GART: variants seen among roughly 807,000 people sequenced by gnomAD.
GART encodes the protein phosphoribosylglycinamide formyltransferase, phosphoribosylglycinamide synthetase, phosphoribosylaminoimidazole synthetase.
Under a neutral mutation model 107.2 loss-of-function variants are expected in GART, and 43 were observed. That is an observed-to-expected ratio of 0.40 (90% confidence interval 0.31 to 0.52). The LOEUF is 0.52. Among genes scored for constraint, GART ranks in the 20% least tolerant of loss-of-function variants. The pLI, the probability that GART is intolerant of heterozygous loss-of-function variation, is 0.52. For missense variants in GART, 1,107 were observed against 1,206.5 expected, an observed-to-expected ratio of 0.92 and a Z score of 1.22; for synonymous variants, 434 against 427.0, an observed-to-expected ratio of 1.02 and a Z score of -0.20.
At chr21:33,510,080 T>G in intron 17 of GART, 160 bp from the exon 18 acceptor site, 1 of 632,570 alleles carries the variant, frequency 1.6e-6, no homozygotes, top group Middle Eastern at 4.3e-4. Flanking sequence ...CACTTAACAC[T>G]ACTCTTTCAT....
Position 33,535,211 on chromosome 21 carries a change from G to A in GART, c.241+14C>T. 6.6e-7 allele frequency: 1 copy of A among 1,513,268 alleles called. No individual in the cohort carries two copies. Among genetic ancestry groups the A allele is most frequent in the Non-Finnish European group, 8.9e-7 (1 of 1,121,174 alleles). 93.7% of individuals were successfully genotyped at this position (1,513,268 alleles called of 1,614,324 possible). A position where few individuals can be genotyped will look rare whatever the true frequency, so the allele number is the denominator to read the frequency against. ...ACTGAATATACTGTAACAATAAACA[G>A]AAACAAACTTTACCAGCAGCCAGAG... On this transcript the variant is annotated intron_variant, in intron 3 of 21. Coordinates refer to ENST00000381815, the MANE Select transcript of GART (RefSeq NM_000819.5).
chr21:33,508,848 A>C (rs1018579827), intron 18 of GART, among the ~76,000 whole-genome samples: 1 of 151,910 alleles, frequency 6.6e-6, no homozygotes, highest in African/African-American at 2.4e-5. Context: ...ACATGTACCC[A>C]CTGTTTAGCT....
chr21:33,511,430 G>A lies in GART; in HGVS notation c.2136C>T (p.Val712=). Residue 712 remains valine (V), a synonymous_variant, in exon 17 of 22, where the codon GTC becomes GTT. Transcript: ENST00000381815. ...LDAQTWRIPR[V]FSWLQQEGHL... ...GTCCTTCCTGCTGCAACCATGAGAA[G>A]ACCCTGGGGATCCTCCAGGTCTGGG... The A allele has an allele frequency of 1.9e-6, 3 of 1,614,096 alleles. No homozygotes were observed. The South Asian group carries it at 3.3e-5, about 18-fold the overall frequency.
rs768240763 is a variant in GART at position 33,504,562 on chromosome 21, A to T, written c.2726-35T>A. On this transcript the variant is annotated intron_variant, in intron 20 of 21. Coordinates refer to ENST00000381815, the MANE Select transcript of GART (RefSeq NM_000819.5). ...AAAAAAAGCATAGTGGTCAGAATTT[A>T]AAAATCCTGGGTATTCTGTTAAAGG... 36 of 1,455,616 alleles carry T rather than the reference A, an allele frequency of 2.5e-5. 1 individual carries two copies. The highest frequency in any genetic ancestry group is 4.2e-5 in the African/African-American group (3 of 71,170). The allele number at this position is 1,455,616 out of a possible 1,614,324, so 90.2% of individuals were successfully genotyped here. A position where few individuals can be genotyped will look rare whatever the true frequency, so the allele number is the denominator to read the frequency against.
intron 10 of GART, among the ~76,000 whole-genome samples, chr21:33,526,559 T>A (rs548390002): frequency 6.6e-6 from 1 of 151,942 alleles, no homozygotes; most frequent in Non-Finnish European, 1.5e-5. Flanking sequence ...AACCAGATCA[T>A]GAGACTTAAG....
At chr21:33,511,828 A>G (rs1346869769) in intron 16 of GART, among the ~76,000 whole-genome samples, 1 of 152,166 alleles carries the variant, frequency 6.6e-6, no homozygotes, top group Non-Finnish European at 1.5e-5. Flanking sequence ...AAATGCACCC[A>G]AAGTACAATG....
At chr21:33,515,593 T>C (rs2084859819) in intron 16 of GART, among the ~76,000 whole-genome samples, 1 of 145,872 alleles carries the variant, frequency 6.9e-6, no homozygotes, top group Non-Finnish European at 1.5e-5. Flanking sequence ...TGAGCTGCGA[T>C]TGCGCCACTG....
intron 16 of GART, among the ~76,000 whole-genome samples, chr21:33,516,206 C>T (rs1014967893): frequency 2.0e-5 from 3 of 146,634 alleles, no homozygotes; most frequent in African/African-American, 7.6e-5. Flanking sequence ...TGAGATTGCG[C>T]CACTATACTC....
intron 11 of GART, chr21:33,524,567 C>A: frequency 2.4e-6 from 3 of 1,252,470 alleles, no homozygotes; most frequent in Admixed American, 4.2e-5. Context: ...CTAAACTTTC[C>A]AAACTTACGC....
chr21:33,511,826 C>A (rs2084790652), intron 16 of GART, among the ~76,000 whole-genome samples: 1 of 151,920 alleles, frequency 6.6e-6, no homozygotes, highest in South Asian at 2.1e-4. Flanking sequence ...CAAAATGCAC[C>A]CAAAGTACAA....
At chr21:33,505,778 A>G in intron 19 of GART, 76 bp from the exon 20 acceptor site, 2 of 1,376,944 alleles carry the variant, frequency 1.5e-6, no homozygotes, top group Non-Finnish European at 2.0e-6. Context: ...CTTTACACAG[A>G]CCATACTTCA....
chr21:33,531,429 A>T, intron 6 of GART, 60 bp downstream of exon 6: 2 of 1,442,082 alleles, frequency 1.4e-6, no homozygotes, highest in Non-Finnish European at 1.9e-6. Flanking sequence ...TTTCTGGGGT[A>T]CACAGGTCAG....
At chr21:33,518,887 G>A in intron 14 of GART, 1 of 531,500 alleles carries the variant, frequency 1.9e-6, no homozygotes, top group Non-Finnish European at 3.7e-6. Context: ...AGCATGGCCT[G>A]TAATGGTGAA....
At chr21:33,514,875 C>T (rs2084848353) in intron 16 of GART, among the ~76,000 whole-genome samples, 2 of 152,130 alleles carry the variant, frequency 1.3e-5, no homozygotes, top group Admixed American at 6.6e-5. Flanking sequence ...CTTCCCTTGC[C>T]GATTTCCTCA....
intron 18 of GART, 40 bp from the exon 19 acceptor site, chr21:33,506,144 C>CT: frequency 6.4e-7 from 1 of 1,573,244 alleles, no homozygotes; most frequent in Non-Finnish European, 8.6e-7. Flanking sequence ...CATACTACTA[C>CT]TTCTTTTTTT....
intron 11 of GART, chr21:33,524,379 T>C: frequency 5.8e-6 from 4 of 694,880 alleles, no homozygotes; most frequent in Non-Finnish European, 7.1e-6. Flanking sequence ...TGAAACCCCA[T>C]CTCCACAAAA....
chr21:33,535,944 C>G (rs1208618780), intron 2 of GART, among the ~76,000 whole-genome samples: 2 of 151,980 alleles, frequency 1.3e-5, no homozygotes, highest in African/African-American at 4.8e-5. Flanking sequence ...AGGAGAATCG[C>G]TTGAACTGGG....
At position 33,520,902 on chromosome 21, in the gene GART, T is replaced by C; in HGVS notation, c.1503+4A>G. The C allele has an allele frequency of 6.3e-7, 1 of 1,585,420 alleles. No individual in the cohort carries two copies. Among genetic ancestry groups the C allele is most frequent in the Non-Finnish European group, 8.6e-7 (1 of 1,162,452 alleles). On this transcript the variant is annotated splice_donor_region_variant and intron_variant, in intron 13 of 21. Transcript: ENST00000381815. The stretch of plus-strand genomic sequence containing the variant: ...GGCCTTTATTCACAAAGGTGTCTGA[T>C]TACCTTTAGTTTAGTTCCAACGCCA...
At position 33,523,967 on chromosome 21, in the gene GART, CAAAAAAA is replaced by C. The variant is rs747171882; in HGVS notation, c.1298+795_1298+801del. ...GGGCGACAAGAGCAAAATTCTGTCTCAAAAAAAAAAAAAAAAAAAAAAAGAAATCAAA... is the reference window on the plus strand; with the variant it reads ...GGGCGACAAGAGCAAAATTCTGTCTCAAAAAAAAAAAAAAAAGAAATCAAA... On this transcript the variant is annotated intron_variant, in intron 11 of 21. Coordinates refer to ENST00000381815, the MANE Select transcript of GART (RefSeq NM_000819.5). The C allele has an allele frequency of 2.4e-4, 146 of 601,500 alleles. No individual in the cohort carries two copies. In the African/African-American group the frequency reaches 4.4e-3, roughly 18 times the overall value. 37.3% of individuals were successfully genotyped at this position (601,500 alleles called of 1,614,324 possible).
Sources: allele counts gnomAD v4.1 joint callset (sites outside exome capture counted in the v4.1 genomes callset), GRCh38; gene constraint gnomAD v4.1.1; transcripts MANE v1.5; gene names NCBI Gene and HGNC (gene_info 2026-07-23, HGNC 2026-07-21).